Variants in PRDX4 observed in about 807,000 individuals in gnomAD.
PRDX4 encodes the protein peroxiredoxin 4.
PRDX4 carries 12 observed loss-of-function variants against 20.5 expected under a neutral mutation model. The ratio of observed to expected loss-of-function variants is 0.58; its 90% CI spans 0.37 to 0.95. PRDX4 has a LOEUF of 0.95. PRDX4 is among the 40% of genes least tolerant of loss of function. PRDX4 has a pLI of 0.01. For synonymous variants in PRDX4, 99 were observed against 87.5 expected (o/e 1.13, Z -0.73); for missense variants, 180 against 207.3 (o/e 0.87, Z 0.81).
chrX:23,683,680 C>T lies in PRDX4; in HGVS notation c.740C>T (p.Ala247Val). 8.3e-7 allele frequency: 1 copy of T among 1,204,637 alleles called. No individual in the cohort carries two copies. The highest frequency in any genetic ancestry group is 1.1e-6 in the Non-Finnish European group (1 of 892,884). Residue 247 changes from alanine to valine, a missense_variant, in exon 6 of 7, where the codon GCT (alanine) becomes GTT (valine). Coordinates refer to ENST00000379341, the MANE Select transcript of PRDX4 (RefSeq NM_006406.2). ...YTDKHGEVCP[A>V]GWKPGSETII... Reference sequence around the variant, plus strand: ...TTTTTGTTTCTTTTAGTCTGCCCTGCTGGCTGGAAACCTGGTAGTGAAACA... The same window carrying T: ...TTTTTGTTTCTTTTAGTCTGCCCTGTTGGCTGGAAACCTGGTAGTGAAACA...
At chrX:23,669,554 ATTAAT>A (rs967204100) in intron 1 of PRDX4, among the ~76,000 whole-genome samples, 1 of 111,772 alleles carries the variant, frequency 8.9e-6, no homozygotes, top group Non-Finnish European at 1.9e-5. Context: ...ACTGTTCATA[ATTAAT>A]TTACTGTTTC....
chrX:23,682,584 G>A, intron 5 of PRDX4, 58 bp downstream of exon 5: 1 of 934,396 alleles, frequency 1.1e-6, no homozygotes, highest in Non-Finnish European at 1.4e-6. Context: ...TAATTAGTTA[G>A]GTTTCTTATC....
intron 5 of PRDX4, among the ~76,000 whole-genome samples, chrX:23,683,160 TG>T (rs1928121388): frequency 9.0e-6 from 1 of 110,605 alleles, no homozygotes; most frequent in African/African-American, 3.3e-5. Context: ...GTATCACATT[TG>T]TAATCTACAA....
Position 23,686,285 on chromosome X carries a change from A to G in PRDX4, c.766A>G (p.Ile256Val). The G allele has an allele frequency of 8.5e-7, 1 of 1,174,447 alleles. No homozygotes were observed. The highest frequency in any genetic ancestry group is 1.1e-6 in the Non-Finnish European group (1 of 873,610). The change falls in exon 7 of 7, where the codon ATA (isoleucine) becomes GTA (valine). Residue 256 changes from isoleucine (I) to valine (V), a missense_variant and splice_region_variant. By Grantham distance (29) the Ile-to-Val change is conservative (BLOSUM62 3). Around this residue, in one of 3 missense-constraint regions of PRDX4, gnomAD observed 73 missense variants for 76.5 expected, o/e 0.95. Coordinates refer to ENST00000379341, the MANE Select transcript of PRDX4 (RefSeq NM_006406.2). ...TCCTTTCTTCGTTTTGTTTTAACAG[A>G]TAATCCCAGATCCAGCTGGAAAGCT... ...PAGWKPGSET[I>V]IPDPAGKLKY...
At chrX:23,669,682 C>G (rs12400219) in intron 1 of PRDX4, among the ~76,000 whole-genome samples, 1 of 111,027 alleles carries the variant, frequency 9.0e-6, no homozygotes, top group Non-Finnish European at 1.9e-5. Context: ...TTTGGGAGGC[C>G]GAGGCCATCC....
At chrX:23,678,294 C>G (rs892211400) in intron 3 of PRDX4, among the ~76,000 whole-genome samples, 1 of 105,615 alleles carries the variant, frequency 9.5e-6, no homozygotes, top group African/African-American at 3.5e-5. Flanking sequence ...AAAGAAACAA[C>G]CCCATCTTAA....
intron 2 of PRDX4, among the ~76,000 whole-genome samples, chrX:23,672,241 C>T (rs1439809848): frequency 2.7e-5 from 3 of 112,012 alleles, no homozygotes; most frequent in Non-Finnish European, 5.6e-5. Context: ...AGCCTGGCGA[C>T]AGCGAGACTC....
At chrX:23,674,406 A>C (rs1457334376) in intron 2 of PRDX4, among the ~76,000 whole-genome samples, 2 of 110,915 alleles carry the variant, frequency 1.8e-5, no homozygotes, top group Admixed American at 2.0e-4. Context: ...ATGCCACCCT[A>C]GTAATATTCT....
intron 2 of PRDX4, among the ~76,000 whole-genome samples, chrX:23,673,008 T>C (rs190589355): frequency 1.4e-3 from 155 of 112,438 alleles, no homozygotes; most frequent in Admixed American, 0.011. Context: ...TAAGTATAGC[T>C]TAATTTCTAA....
chrX:23,675,173 A>T (rs1927923173), intron 3 of PRDX4, 67 bp downstream of exon 3: 2 of 1,207,918 alleles, frequency 1.7e-6, no homozygotes, highest in South Asian at 3.5e-5. Flanking sequence ...ATGGACAGAT[A>T]ACTCTTGATA....
intron 2 of PRDX4, 39 bp from the exon 3 acceptor site, chrX:23,674,951 T>C (rs748990185): frequency 6.2e-5 from 74 of 1,190,191 alleles, no homozygotes; most frequent in Non-Finnish European, 8.3e-5. Context: ...ATATGCTTAT[T>C]TGGAGAATAC....
At chrX:23,675,301 C>A in intron 3 of PRDX4, 195 bp downstream of exon 3, 1 of 841,684 alleles carries the variant, frequency 1.2e-6, no homozygotes, top group Non-Finnish European at 1.6e-6. Flanking sequence ...TAATCAGCTG[C>A]TATAATAAAA....
At chrX:23,678,932 C>G (rs759788063) in intron 3 of PRDX4, among the ~76,000 whole-genome samples, 4 of 111,389 alleles carry the variant, frequency 3.6e-5, no homozygotes, top group African/African-American at 1.3e-4. Flanking sequence ...GAGCAAGACC[C>G]TGTCTCAAAA....
rs569645547 is a variant in PRDX4, at chrX:23,671,144, A to G, written c.242-385A>G. On this transcript the variant is annotated intron_variant, in intron 1 of 6. Transcript: ENST00000379341. ...TCAGCAGCACTTGCTTGTACCTTTC[A>G]CCAATAGAATCACTTATTTTCTTGC... Among the ~76,000 whole-genome samples the G allele has an allele frequency of 3.6e-5, 4 of 112,021 alleles. No individual in the cohort carries two copies. The South Asian group carries it at 1.5e-3, about 42-fold the overall frequency.
At chrX:23,677,386 G>A (rs762578631) in intron 3 of PRDX4, among the ~76,000 whole-genome samples, 1 of 111,652 alleles carries the variant, frequency 9.0e-6, no homozygotes, top group Non-Finnish European at 1.9e-5. Context: ...CAAAATTTGA[G>A]TGCTGACATG....
At chrX:23,673,145 TTAGTC>T (rs1308557097) in intron 2 of PRDX4, among the ~76,000 whole-genome samples, 2 of 112,044 alleles carry the variant, frequency 1.8e-5, no homozygotes, top group South Asian at 3.7e-4. Context: ...AATTTGGAAG[TTAGTC>T]TAATGTAGCA....
intron 3 of PRDX4, among the ~76,000 whole-genome samples, chrX:23,678,218 G>A (rs1927986654): frequency 9.1e-6 from 1 of 109,399 alleles, no homozygotes; most frequent in Non-Finnish European, 1.9e-5. Flanking sequence ...AGTAAGCCAA[G>A]ATCGTGCCAT....
intron 4 of PRDX4, among the ~76,000 whole-genome samples, chrX:23,679,536 A>G (rs1174533891): frequency 9.1e-6 from 1 of 110,344 alleles, no homozygotes; most frequent in Non-Finnish European, 1.9e-5. Flanking sequence ...AAATATAAAA[A>G]TTACCCAGGC....
chrX:23,675,358 A>G, intron 3 of PRDX4: 1 of 510,058 alleles, frequency 2.0e-6, no homozygotes, highest in Middle Eastern at 6.3e-4. Context: ...GGAAAAGTTA[A>G]ATGCAATAGA....
Sources: allele counts gnomAD v4.1 joint callset (sites outside exome capture counted in the v4.1 genomes callset), GRCh38; gene constraint gnomAD v4.1.1; regional missense constraint gnomAD v4.1.1; transcripts MANE v1.5; gene names NCBI Gene and HGNC (gene_info 2026-07-23, HGNC 2026-07-21).